TTN: variants seen among roughly 807,000 people sequenced by gnomAD.
TTN encodes titin.
A neutral mutation model predicts 3,223.0 loss-of-function variants in TTN; 1,525 were observed. The observed-to-expected ratio is 0.47, with a 90% CI of 0.45 to 0.49. The LOEUF (loss-of-function observed/expected upper bound fraction) is 0.49. Ranked by LOEUF, TTN falls within the 20% of genes least tolerant of loss-of-function variation. The probability of loss-of-function intolerance (pLI) is 0.00; values close to 1 mark genes in which losing one functional copy is unlikely to be tolerated. For synonymous variants in TTN, 14,094 were observed against 15,161.0 expected, an observed-to-expected ratio of 0.93 and a Z score of 5.17; for missense variants, 40,786 against 43,424.0, an observed-to-expected ratio of 0.94 and a Z score of 5.40.
In TTN at chr2:178,607,601, A is replaced by C; in HGVS notation, c.53087T>G (p.Val17696Gly). Residue 17696 changes from valine (V) to glycine (G), a missense_variant, in exon 277 of 363, where the codon GTG (valine) becomes GGG (glycine). Physicochemically the swap from Val to Gly is moderately radical, Grantham distance 109. Coordinates refer to ENST00000589042, the MANE Select transcript of TTN (RefSeq NM_001267550.2). Reference sequence around the variant, plus strand: ...TTTTGTAGGTACAGGGCGACCAGTCACCACAGCTGGAATTCTAAGAGTCTT... The same window carrying C: ...TTTTGTAGGTACAGGGCGACCAGTCCCCACAGCTGGAATTCTAAGAGTCTT... ...AGKTLRIPAV[V>G]TGRPVPTKVW... 1 of 1,613,130 alleles carries C rather than the reference A, an allele frequency of 6.2e-7. No homozygotes were observed. Among genetic ancestry groups the C allele is most frequent in the South Asian group, 1.1e-5 (1 of 91,068 alleles).
At chr2:178,719,100 G>C in intron 83 of TTN, 64 bp downstream of exon 83, 2 of 1,546,880 alleles carry the variant, frequency 1.3e-6, no homozygotes, top group Non-Finnish European at 1.7e-6. Context: ...TCCAGGGAAG[G>C]CAGGCACCAC....
In TTN at chr2:178,774,656, T is replaced by G. The variant is rs933996245; in HGVS notation, c.6791-183A>C. The G allele has an allele frequency of 1.0e-5, 7 of 702,028 alleles. No individual in the cohort carries two copies. The Admixed American group carries it at 1.9e-4, about 19-fold the overall frequency. The allele number at this position is 702,028 out of a possible 1,614,324, so 43.5% of individuals were successfully genotyped here. ...AAGAAGCAGTTATTTTATTTTAATT[T>G]TTAAATATTTTTGAAAGTAAAGAAT... On this transcript the variant is annotated intron_variant, in intron 29 of 362. Coordinates refer to ENST00000589042, the MANE Select transcript of TTN (RefSeq NM_001267550.2).
At chr2:178,698,324 A>C (rs2074096600) in intron 112 of TTN, among the ~76,000 whole-genome samples, 1 of 152,208 alleles carries the variant, frequency 6.6e-6, no homozygotes, top group East Asian at 1.9e-4. Context: ...AGAGTGGTGA[A>C]TATAGTTAAT....
chr2:178,741,832 A>G lies in TTN; in HGVS notation c.11401T>C (p.Leu3801=). Residue 3801 remains leucine (L), a synonymous_variant, in exon 48 of 363, where the codon TTG becomes CTG. Coordinates refer to ENST00000589042, the MANE Select transcript of TTN (RefSeq NM_001267550.2). ...GTTGGGTAAACTGGAGATTCAGACA[A>G]AAGTTCAAGTGTTTCATTTATTTTA... ...LSKINETLEL[L]SESPVYPTKF... is the part of the protein sequence containing the mutation. 6.2e-7 allele frequency: 1 copy of G among 1,611,234 alleles called. No individual in the cohort carries two copies. The highest frequency in any genetic ancestry group is 8.5e-7 in the Non-Finnish European group (1 of 1,178,618).
rs1395690668 is a variant in TTN at position 178,557,914 on chromosome 2, A to G, written c.87440T>C (p.Ile29147Thr). Residue 29147 changes from isoleucine to threonine, a missense_variant, in exon 328 of 363, where the codon ATT (isoleucine) becomes ACT (threonine). By Grantham distance (89) the Ile-to-Thr change is moderately conservative. Transcript: ENST00000589042. ...CACACTTTCTTCAGTTATATCACTA[A>G]TAACAACAGGGCCAGTTGGAGGACC... ...RPGPPTGPVV[I>T]SDITEESVTL... The G allele has an allele frequency of 4.3e-6, 7 of 1,613,364 alleles. No individual in the cohort carries two copies. Among genetic ancestry groups the G allele is most frequent in the Non-Finnish European group, 5.1e-6 (6 of 1,179,852 alleles).
intron 223 of TTN, among the ~76,000 whole-genome samples, chr2:178,638,762 G>A (rs1207769796): frequency 6.6e-6 from 1 of 151,564 alleles, no homozygotes; most frequent in African/African-American, 2.4e-5. Flanking sequence ...TTTTGGTTTT[G>A]TTGTTTCTTT....
intron 165 of TTN, 105 bp downstream of exon 165, chr2:178,665,272 G>T: frequency 9.0e-7 from 1 of 1,105,440 alleles, no homozygotes; most frequent in Non-Finnish European, 1.3e-6. Flanking sequence ...AAAGATATTA[G>T]TATGTTTATA....
chr2:178,611,461 T>G lies in TTN; in HGVS notation c.50768A>C (p.Glu16923Ala). Residue 16923 changes from glutamate (E) to alanine (A), a missense_variant, in exon 269 of 363, where the codon GAA becomes GCA. By Grantham distance (107) the Glu-to-Ala change is moderately radical (BLOSUM62 -1). Coordinates refer to ENST00000589042, the MANE Select transcript of TTN (RefSeq NM_001267550.2). ...GACTGCTCTCACTCTCAGGACATATTCTTTGTCAGGAACAACACCTTCTTC... is the reference window on the plus strand; with the variant it reads ...GACTGCTCTCACTCTCAGGACATATGCTTTGTCAGGAACAACACCTTCTTC... ...KVEEGVVPDK[E>A]YVLRVRAVNA... 1 of 1,612,986 alleles carries G rather than the reference T, an allele frequency of 6.2e-7. No homozygotes were observed. Among genetic ancestry groups the G allele is most frequent in the Non-Finnish European group, 8.5e-7 (1 of 1,179,324 alleles).
In TTN at chr2:178,526,897, G is replaced by C. The variant is rs1441660523; in HGVS notation, c.*115C>G. 5 of 959,986 alleles carry C rather than the reference G, an allele frequency of 5.2e-6. No individual in the cohort carries two copies. The highest frequency in any genetic ancestry group is 7.4e-6 in the Non-Finnish European group (5 of 678,950). 59.5% of individuals were successfully genotyped at this position (959,986 alleles called of 1,614,324 possible). On this transcript the variant is annotated 3_prime_UTR_variant, in exon 363 of 363. Transcript: ENST00000589042. ...TATTTTTGAACTTTGACTCATTTAGGTTGATACAAAACTACTTTTTTTTCT... is the reference window on the plus strand; with the variant it reads ...TATTTTTGAACTTTGACTCATTTAGCTTGATACAAAACTACTTTTTTTTCT...
chr2:178,572,385 G>T lies in TTN; in HGVS notation c.73747C>A (p.Leu24583Ile). The change falls in exon 326 of 363, where the codon CTT becomes ATT. Residue 24583 changes from leucine (L) to isoleucine (I), a missense_variant. By Grantham distance (5) the Leu-to-Ile change is conservative (BLOSUM62 2). Transcript: ENST00000589042. Reference protein sequence around the residue: ...CHKTSWKVDQLQEGCSYYFRV... With the variant: ...CHKTSWKVDQIQEGCSYYFRV... ...AAATAGTAGCTACAGCCTTCTTGAA[G>T]CTGGTCTACCTTCCAGGAAGTCTTG... The T allele has an allele frequency of 6.2e-7, 1 of 1,613,116 alleles. No individual in the cohort carries two copies. The highest frequency in any genetic ancestry group is 8.5e-7 in the Non-Finnish European group (1 of 1,179,298).
intron 115 of TTN, 41 bp from the exon 116 acceptor site, chr2:178,694,947 C>T (rs1342268506): frequency 7.1e-7 from 1 of 1,407,560 alleles, no homozygotes; most frequent in East Asian, 2.5e-5. Context: ...TTTAGAATTC[C>T]TATTAAAATT....
chr2:178,566,714 C>T lies in TTN; in HGVS notation c.79418G>A (p.Ser26473Asn). 6.2e-7 allele frequency: 1 copy of T among 1,613,464 alleles called. No individual in the cohort carries two copies. The highest frequency in any genetic ancestry group is 8.5e-7 in the Non-Finnish European group (1 of 1,179,664). Residue 26473 changes from serine to asparagine, a missense_variant, in exon 326 of 363, where the codon AGT (serine) becomes AAT (asparagine). Ser to Asn is a conservative substitution (Grantham distance 46). Coordinates refer to ENST00000589042, the MANE Select transcript of TTN (RefSeq NM_001267550.2). ...GGCTTTATAATAAACTGTAGCTGGACTTGGTTCCCCAACTCCAGCAGCATT... is the reference window on the plus strand; with the variant it reads ...GGCTTTATAATAAACTGTAGCTGGATTTGGTTCCCCAACTCCAGCAGCATT... ...AENAAGVGEP[S>N]PATVYYKACD... is the part of the protein sequence containing the mutation.
chr2:178,636,850 A>G lies in TTN; in HGVS notation c.40928-51T>C. ...GATTTGGCATCTCCTTAGGAGTCAG[A>G]AAGTTCATACTTGGCTGCCTGCTGG... is the stretch of plus-strand genomic sequence containing the variant. On this transcript the variant is annotated intron_variant, in intron 224 of 362. Coordinates refer to ENST00000589042, the MANE Select transcript of TTN (RefSeq NM_001267550.2). The surrounding 1 kb of genome is among the most constrained non-coding windows in gnomAD (Gnocchi z 4.3). 6.6e-7 allele frequency: 1 copy of G among 1,507,304 alleles called. No homozygotes were observed. Among genetic ancestry groups the G allele is most frequent in the Non-Finnish European group, 8.8e-7 (1 of 1,131,108 alleles). 93.4% of individuals were successfully genotyped at this position (1,507,304 alleles called of 1,614,324 possible).
chr2:178,580,820 T>G, intron 316 of TTN: 1 of 555,122 alleles, frequency 1.8e-6, no homozygotes, highest in Non-Finnish European at 3.1e-6. Context: ...CTTAACCAGG[T>G]TTTCCCCCCG....
chr2:178,528,642 G>A lies in TTN; in HGVS notation c.107109C>T (p.Ala35703=), dbSNP rs2154131185. The change falls in exon 360 of 363, where the codon GCC becomes GCT. Residue 35703 remains alanine, a synonymous_variant. Transcript: ENST00000589042. The part of the protein sequence containing the change: ...TLSKELSDAP[A]FISQPRSQNI... ...TTTGAGATCTAGGCTGTGAGATGAA[G>A]GCTGGAGCATCTGAGAGTTCTTTGC... 1.9e-6 allele frequency: 3 copies of A among 1,612,976 alleles called. No homozygotes were observed. The highest frequency in any genetic ancestry group is 2.5e-6 in the Non-Finnish European group (3 of 1,179,416).
At position 178,773,736 on chromosome 2, in the gene TTN, A is replaced by G. The variant is rs1198109375; in HGVS notation, c.7331-11T>C. ...TTATCACGTCCACACCTGCAAAATC[A>G]TACACACACAAGATGAATGAATTTT... On this transcript the variant is annotated splice_polypyrimidine_tract_variant and intron_variant, in intron 31 of 362. Coordinates refer to ENST00000589042, the MANE Select transcript of TTN (RefSeq NM_001267550.2). The G allele has an allele frequency of 1.1e-5, 18 of 1,613,934 alleles. No homozygotes were observed. The highest frequency in any genetic ancestry group is 1.5e-5 in the Non-Finnish European group (18 of 1,179,982).
chr2:178,692,283 C>T (rs1238485644), intron 120 of TTN, among the ~76,000 whole-genome samples, 184 bp from the exon 121 acceptor site: 1 of 151,982 alleles, frequency 6.6e-6, no homozygotes, highest in East Asian at 1.9e-4. Context: ...ACATACATTA[C>T]ACAAGCAGAC....
chr2:178,549,954 A>G (rs777359065), intron 337 of TTN, 32 bp downstream of exon 337: 1 of 1,573,254 alleles, frequency 6.4e-7, no homozygotes, highest in Admixed American at 1.8e-5. Flanking sequence ...AAGTTCATAA[A>G]TTGTAGCATT....
Position 178,667,691 on chromosome 2 carries a change from T to C in TTN, c.35576A>G (p.Glu11859Gly). The change falls in exon 160 of 363, where the codon GAA becomes GGA. Residue 11859 changes from glutamate to glycine, a missense_variant. Glu to Gly is a moderately conservative substitution (Grantham distance 98). Transcript: ENST00000589042. The part of the protein sequence containing the change: ...IYEASEEAVL[E>G]EKVLVTQPQK... Reference sequence around the variant, plus strand: ...AGGTTGAGTCACAAGTACTTTTTCTTCTAGGACTGCTTCTTCAGATGCTTC... The same window carrying C: ...AGGTTGAGTCACAAGTACTTTTTCTCCTAGGACTGCTTCTTCAGATGCTTC... 1 of 1,596,598 alleles carries C rather than the reference T, an allele frequency of 6.3e-7. No individual in the cohort carries two copies. Among genetic ancestry groups the C allele is most frequent in the Non-Finnish European group, 8.5e-7 (1 of 1,178,732 alleles).
Sources: allele counts gnomAD v4.1 joint callset (sites outside exome capture counted in the v4.1 genomes callset), GRCh38; gene constraint gnomAD v4.1.1; non-coding constraint Gnocchi (gnomAD v3.1); transcripts MANE v1.5; gene names NCBI Gene and HGNC (gene_info 2026-07-23, HGNC 2026-07-21).